The following NMNAT3 variants were observed in gnomAD, a reference collection of about 807,000 sequenced individuals.
The protein encoded by NMNAT3 is nicotinamide/nicotinic acid mononucleotide adenylyltransferase 3.
NMNAT3 carries 21 observed loss-of-function variants against 24.8 expected under a neutral mutation model. That is an observed-to-expected ratio of 0.85 (90% CI 0.60 to 1.22). The LOEUF (loss-of-function observed/expected upper bound fraction) is 1.22. Ranked by LOEUF, NMNAT3 falls within the 50% of genes most tolerant of loss-of-function variation. The probability of loss-of-function intolerance (pLI) is 0.00; values close to 1 mark genes in which losing one functional copy is unlikely to be tolerated. For missense variants in NMNAT3, 387 were observed against 436.6 expected (o/e 0.89, Z 1.01); for synonymous variants, 136 against 155.2 (o/e 0.88, Z 0.92).
At chr3:139,659,705 C>A (rs558741463) in intron 1 of NMNAT3, among the ~76,000 whole-genome samples, 7 of 152,194 alleles carry the variant, frequency 4.6e-5, no homozygotes, top group Non-Finnish European at 1.0e-4. Context: ...ACATTAGAAC[C>A]AGCTGGGGAG....
intron 3 of NMNAT3, among the ~76,000 whole-genome samples, chr3:139,596,916 G>GTGTGTATATATATATA (rs1393197797): frequency 7.2e-5 from 7 of 97,162 alleles, no homozygotes; most frequent in Non-Finnish European, 1.0e-4. Flanking sequence ...TGTCATGTGT[G>GTGTGTATATATATATA]TATATATATA....
At chr3:139,651,662 G>A (rs1196549285) in intron 1 of NMNAT3, among the ~76,000 whole-genome samples, 1 of 152,214 alleles carries the variant, frequency 6.6e-6, no homozygotes, top group Non-Finnish European at 1.5e-5. Context: ...CTGTGGTACA[G>A]CTCAGGCTGT....
intron 1 of NMNAT3, among the ~76,000 whole-genome samples, chr3:139,641,406 G>A (rs1342916870): frequency 1.3e-5 from 2 of 152,210 alleles, no homozygotes; most frequent in East Asian, 3.9e-4. Flanking sequence ...ATCTACGAGT[G>A]TGCATGCCAC....
intron 3 of NMNAT3, among the ~76,000 whole-genome samples, chr3:139,587,606 C>T (rs2053991968): frequency 6.6e-6 from 1 of 152,102 alleles, no homozygotes; most frequent in African/African-American, 2.4e-5. Flanking sequence ...AAAGACTAAG[C>T]TGAAAATTAA....
At chr3:139,615,297 A>G (rs1210222676) in intron 3 of NMNAT3, among the ~76,000 whole-genome samples, 3 of 152,148 alleles carry the variant, frequency 2.0e-5, no homozygotes, top group Non-Finnish European at 4.4e-5. Context: ...GTACTTAGAA[A>G]CCAAAATTAG....
intron 1 of NMNAT3, among the ~76,000 whole-genome samples, chr3:139,675,399 CAGTT>C (rs146417453): frequency 0.18 from 26,838 of 152,060 alleles, 2,693 homozygotes; most frequent in South Asian, 0.26. Context: ...ACTCAGCCAT[CAGTT>C]AGAGACACAT....
chr3:139,673,364 C>T (rs769268541), intron 1 of NMNAT3, among the ~76,000 whole-genome samples: 3 of 152,282 alleles, frequency 2.0e-5, no homozygotes, highest in Non-Finnish European at 2.9e-5. Context: ...ATTATTCTCC[C>T]ATTTGGAAGC....
intron 2 of NMNAT3, among the ~76,000 whole-genome samples, chr3:139,629,405 A>C (rs1185750288): frequency 2.0e-5 from 3 of 152,228 alleles, no homozygotes; most frequent in African/African-American, 7.2e-5. Context: ...TTTATAAGTT[A>C]AATTATATCT....
At chr3:139,654,918 G>C (rs1192231368) in intron 1 of NMNAT3, among the ~76,000 whole-genome samples, 1 of 152,312 alleles carries the variant, frequency 6.6e-6, no homozygotes, top group East Asian at 1.9e-4. Flanking sequence ...GCTGGTGGGA[G>C]GTAGAAAGGC....
At chr3:139,608,325 C>T (rs908772216) in intron 3 of NMNAT3, among the ~76,000 whole-genome samples, 3 of 20,564 alleles carry the variant, frequency 1.5e-4, no homozygotes, top group Admixed American at 1.3e-3. Flanking sequence ...GAGACTGGGG[C>T]TTTACCTAAC....
chr3:139,658,364 G>A (rs1332839921), intron 1 of NMNAT3, among the ~76,000 whole-genome samples: 3 of 152,240 alleles, frequency 2.0e-5, no homozygotes, highest in East Asian at 1.9e-4. Context: ...CCCTGCCCTC[G>A]CGATCCCAGC....
chr3:139,576,884 C>T (rs189863067), intron 5 of NMNAT3, among the ~76,000 whole-genome samples: 1 of 152,044 alleles, frequency 6.6e-6, no homozygotes, highest in Non-Finnish European at 1.5e-5. Flanking sequence ...GGTGAACCCC[C>T]GTCTCTACTA....
intron 3 of NMNAT3, among the ~76,000 whole-genome samples, chr3:139,620,766 C>T (rs563554296): frequency 1.3e-5 from 2 of 152,044 alleles, no homozygotes; most frequent in African/African-American, 4.8e-5. Flanking sequence ...CTGATATCAC[C>T]GTCTTATAAC....
intron 3 of NMNAT3, among the ~76,000 whole-genome samples, chr3:139,593,005 A>G (rs2054271997): frequency 1.3e-5 from 2 of 152,234 alleles, no homozygotes; most frequent in Admixed American, 1.3e-4. Context: ...AAATGCTCCA[A>G]TTAAAAGACA....
At chr3:139,565,825 G>A (rs1347359537) in intron 6 of NMNAT3, 15 of 152,122 alleles carry the variant, frequency 9.9e-5, no homozygotes, top group Admixed American at 4.6e-4. Flanking sequence ...ATAAACATAC[G>A]TGTGCATGTG....
intron 1 of NMNAT3, among the ~76,000 whole-genome samples, chr3:139,644,758 G>A (rs1024828068): frequency 6.6e-6 from 1 of 152,188 alleles, no homozygotes; most frequent in South Asian, 2.1e-4. Flanking sequence ...GTGATCCAGG[G>A]ACACTTGACC....
intron 3 of NMNAT3, among the ~76,000 whole-genome samples, chr3:139,627,141 T>C (rs1029626482): frequency 6.6e-6 from 1 of 152,214 alleles, no homozygotes; most frequent in African/African-American, 2.4e-5. Context: ...GTATTGGAAA[T>C]GCCCTATATA....
intron 1 of NMNAT3, among the ~76,000 whole-genome samples, chr3:139,645,072 C>T (rs1380428385): frequency 6.6e-6 from 1 of 151,996 alleles, no homozygotes; most frequent in African/African-American, 2.4e-5. Context: ...TGTGGTGGCA[C>T]ACGCCTGTAA....
intron 1 of NMNAT3, among the ~76,000 whole-genome samples, chr3:139,647,279 C>A (rs759443625): frequency 1.3e-5 from 2 of 152,182 alleles, no homozygotes; most frequent in African/African-American, 2.4e-5. Flanking sequence ...ACCTTTCTAG[C>A]TAAGTTTTCA....
Sources: gnomAD v4.1 joint callset for allele counts (sites outside exome capture counted in the v4.1 genomes callset) on GRCh38, gnomAD v4.1.1 for gene constraint, MANE v1.5 for transcripts, NCBI Gene and HGNC (gene_info 2026-07-23, HGNC 2026-07-21) for gene names.